The following MYLK3 variants were observed in gnomAD, a reference collection of about 807,000 sequenced individuals.
MYLK3 encodes the protein MLC kinase.
Under a neutral mutation model 76.3 loss-of-function variants are expected in MYLK3, and 55 were observed. That is an observed-to-expected ratio of 0.72 (90% CI 0.58 to 0.90). The LOEUF is 0.90. Among genes scored for constraint, MYLK3 ranks in the 40% least tolerant of loss-of-function variants. The probability of loss-of-function intolerance (pLI) is 0.00; values close to 1 mark genes in which losing one functional copy is unlikely to be tolerated. For synonymous variants in MYLK3, 416 were observed against 425.4 expected (o/e 0.98, Z 0.27); for missense variants, 973 against 1,053.6 (o/e 0.92, Z 1.06).
intron 5 of MYLK3, 29 bp downstream of exon 5, chr16:46,730,564 C>A: frequency 1.3e-6 from 2 of 1,589,556 alleles, no homozygotes; most frequent in Non-Finnish European, 1.7e-6. Context: ...CTGCTCTAAG[C>A]CCCCCAACCA....
intron 10 of MYLK3, chr16:46,711,562 G>A: frequency 5.9e-6 from 2 of 339,520 alleles, no homozygotes; most frequent in South Asian, 2.2e-5. Flanking sequence ...CCAGGCTGGA[G>A]TGCTATGGTG....
At position 46,732,360 on chromosome 16, in the gene MYLK3, T is replaced by C. The variant is rs1268347478; in HGVS notation, c.1310A>G (p.Asp437Gly). 1 of 1,613,400 alleles carries C rather than the reference T, an allele frequency of 6.2e-7. No individual in the cohort carries two copies. Among genetic ancestry groups the C allele is most frequent in the Non-Finnish European group, 8.5e-7 (1 of 1,180,016 alleles). Reference protein sequence around the residue: ...RPSLARSDDNDHEVGALGLQQ... With the variant: ...RPSLARSDDNGHEVGALGLQQ... The stretch of plus-strand genomic sequence containing the variant: ...CAGGCCCAGGGCCCCAACCTCGTGG[T>C]CATTGTCGTCACTCCTGGCCAAGCT... Residue 437 changes from aspartate (D) to glycine (G), a missense_variant, in exon 4 of 13, where the codon GAC (aspartate) becomes GGC (glycine). Coordinates refer to ENST00000394809, the MANE Select transcript of MYLK3 (RefSeq NM_182493.3).
At position 46,726,661 on chromosome 16, in the gene MYLK3, GA is replaced by G. The variant is rs1365198994; in HGVS notation, c.1914+574del. ...GTGAGAGAAAGAAAGAAAGAAGAAA[GA>G]AAAAGAAAGAAAGAGAAAGAAAGAA... is the stretch of plus-strand genomic sequence containing the variant. On this transcript the variant is annotated intron_variant, in intron 8 of 12. Coordinates refer to ENST00000394809, the MANE Select transcript of MYLK3 (RefSeq NM_182493.3). 2 of 28,668 alleles carry G rather than the reference GA, an allele frequency of 7.0e-5. 1 individual carries two copies. Among genetic ancestry groups the G allele is most frequent in the South Asian group, 0.012 (2 of 172 alleles). 1.8% of individuals were successfully genotyped at this position (28,668 alleles called of 1,614,324 possible). A position where few individuals can be genotyped will look rare whatever the true frequency, so the allele number is the denominator to read the frequency against.
Position 46,707,740 on chromosome 16 carries a change from A to AG in MYLK3, c.2423dup (p.Ala809CysfsTer34). 1.2e-6 allele frequency: 2 copies of AG among 1,613,284 alleles called. No homozygotes were observed. Among genetic ancestry groups the AG allele is most frequent in the Non-Finnish European group, 1.7e-6 (2 of 1,179,270 alleles). On this transcript the variant is annotated frameshift_variant, in exon 13 of 13. Transcript: ENST00000394809. LOFTEE classifies it high-confidence loss of function. The stretch of plus-strand genomic sequence containing the variant: ...TTGGAAATTTCCTTAACCTGTTGGC[A>AG]GCAGTCACCACATAGAAATGTTTCT...
At chr16:46,713,026 A>G (rs978823706) in intron 9 of MYLK3, among the ~76,000 whole-genome samples, 1 of 152,168 alleles carries the variant, frequency 6.6e-6, no homozygotes, top group Non-Finnish European at 1.5e-5. Context: ...TGCTTCTTTC[A>G]GTAGTCAAAT....
intron 12 of MYLK3, among the ~76,000 whole-genome samples, chr16:46,708,796 T>C (rs966705570): frequency 3.3e-5 from 5 of 152,360 alleles, no homozygotes; most frequent in Non-Finnish European, 7.4e-5. Flanking sequence ...ATAGGTTTTA[T>C]GTCCATGGGA....
At chr16:46,720,449 C>T (rs1000072529) in intron 9 of MYLK3, among the ~76,000 whole-genome samples, 2 of 152,150 alleles carry the variant, frequency 1.3e-5, no homozygotes, top group Non-Finnish European at 2.9e-5. Context: ...ATCCTCCCTC[C>T]TTGGCCTTCC....
At chr16:46,747,686 A>T (rs554639746) in intron 1 of MYLK3, 31 bp downstream of exon 1, 2 of 1,588,710 alleles carry the variant, frequency 1.3e-6, no homozygotes, top group African/African-American at 2.7e-5. Flanking sequence ...GGGGCCTCCC[A>T]TCCAGCCAGG....
chr16:46,742,447 A>ACACACACACACACACACACAC (rs1555471290), intron 1 of MYLK3, among the ~76,000 whole-genome samples: 4 of 131,094 alleles, frequency 3.1e-5, no homozygotes, highest in East Asian at 2.6e-4. Flanking sequence ...TCCCAGCAAA[A>ACACACACACACACACACACAC]ACACACACAC....
At chr16:46,727,600 C>G (rs1010356972) in intron 7 of MYLK3, among the ~76,000 whole-genome samples, 1 of 152,214 alleles carries the variant, frequency 6.6e-6, no homozygotes, top group African/African-American at 2.4e-5. Context: ...GATCTCTGCT[C>G]ACTGCAACCT....
intron 9 of MYLK3, among the ~76,000 whole-genome samples, chr16:46,713,523 T>C (rs1966706547): frequency 6.6e-6 from 1 of 152,180 alleles, no homozygotes; most frequent in African/African-American, 2.4e-5. Flanking sequence ...TTGATACATG[T>C]GTACATTGTA....
chr16:46,730,153 C>T (rs1181192705), intron 5 of MYLK3, among the ~76,000 whole-genome samples: 2 of 150,936 alleles, frequency 1.3e-5, no homozygotes, highest in African/African-American at 2.4e-5. Flanking sequence ...CCTCACCGCA[C>T]ACCACCTGGG....
chr16:46,729,028 C>A lies in MYLK3; in HGVS notation c.1768G>T (p.Glu590Ter). Residue 590 changes from glutamate (E) to a stop codon, truncating the protein, a stop_gained, in exon 7 of 13, where the codon GAG becomes TAG. Transcript: ENST00000394809. LOFTEE classifies it high-confidence loss of function. ...ESKHSCTLVMEYVDGGELFDR... is the reference protein window; with the variant it reads ...ESKHSCTLVM ...CGCCCCGCCTCTGATACTCACTACTCCATGACAAGGGTGCAGCTGTGCTTG... is the reference window on the plus strand; with the variant it reads ...CGCCCCGCCTCTGATACTCACTACTACATGACAAGGGTGCAGCTGTGCTTG... 1 of 1,613,650 alleles carries A rather than the reference C, an allele frequency of 6.2e-7. No individual in the cohort carries two copies. Among genetic ancestry groups the A allele is most frequent in the Non-Finnish European group, 8.5e-7 (1 of 1,179,510 alleles).
chr16:46,761,888 G>A (rs1006395755), intron 1 of MYLK3, among the ~76,000 whole-genome samples: 1 of 146,096 alleles, frequency 6.8e-6, no homozygotes, highest in African/African-American at 2.5e-5. Flanking sequence ...TGTAAGTCAT[G>A]CCTTAATCAG....
chr16:46,752,358 C>T (rs1307680554), upstream of MYLK3, among the ~76,000 whole-genome samples: 1 of 152,164 alleles, frequency 6.6e-6, no homozygotes, highest in African/African-American at 2.4e-5. Context: ...CATCAGCCTC[C>T]TGCATAACTG....
chr16:46,750,825 A>G (rs1967114275), upstream of MYLK3, among the ~76,000 whole-genome samples: 1 of 150,576 alleles, frequency 6.6e-6, no homozygotes, highest in Non-Finnish European at 1.5e-5. Context: ...TCCCATCTCT[A>G]CTAAAAAAAC....
chr16:46,732,514 C>T lies in MYLK3; in HGVS notation c.1156G>A (p.Gly386Arg). 1 of 1,606,128 alleles carries T rather than the reference C, an allele frequency of 6.2e-7. No homozygotes were observed. Among genetic ancestry groups the T allele is most frequent in the Non-Finnish European group, 8.5e-7 (1 of 1,179,912 alleles). Residue 386 changes from glycine (G) to arginine (R), a missense_variant, in exon 4 of 13, where the codon GGG (glycine) becomes AGG (arginine). Transcript: ENST00000394809. ...GGGGTCTGTTCTCCGGGCTCAGTCCCAGGGGCTTGGAGGCAGCGCCCGGTC... is the reference window on the plus strand; with the variant it reads ...GGGGTCTGTTCTCCGGGCTCAGTCCTAGGGGCTTGGAGGCAGCGCCCGGTC... ...PGTGRCLQAPGTEPGEQTPEG... is the reference protein window; with the variant it reads ...PGTGRCLQAPRTEPGEQTPEG...
chr16:46,729,793 TC>T, intron 5 of MYLK3, 106 bp from the exon 6 acceptor site: 3 of 940,514 alleles, frequency 3.2e-6, no homozygotes, highest in Non-Finnish European at 5.0e-6. Flanking sequence ...ATGTGGACCA[TC>T]CTACATCCCA....
intron 1 of MYLK3, among the ~76,000 whole-genome samples, chr16:46,742,107 G>A (rs1254459573): frequency 6.6e-6 from 1 of 152,050 alleles, no homozygotes; most frequent in Non-Finnish European, 1.5e-5. Context: ...GACATGGATG[G>A]AAACATTTGT....
Sources: gnomAD v4.1 joint callset for allele counts (sites outside exome capture counted in the v4.1 genomes callset) on GRCh38, gnomAD v4.1.1 for gene constraint, MANE v1.5 for transcripts, NCBI Gene and HGNC (gene_info 2026-07-23, HGNC 2026-07-21) for gene names.